The following GABRB1 variants were observed in gnomAD, a reference collection of about 807,000 sequenced individuals.
The protein encoded by GABRB1 is gamma-aminobutyric acid receptor subunit beta-1.
Under a neutral mutation model 51.6 loss-of-function variants are expected in GABRB1, and 17 were observed. That is an observed-to-expected ratio of 0.33 (90% CI 0.23 to 0.49). The LOEUF (loss-of-function observed/expected upper bound fraction) is 0.49, where lower values mean the gene tolerates loss of function less well. Ranked by LOEUF, GABRB1 falls within the 20% of genes least tolerant of loss-of-function variation. The pLI, the probability that GABRB1 is intolerant of heterozygous loss-of-function variation, is 0.99. For synonymous variants in GABRB1, 247 were observed against 218.9 expected (o/e 1.13, Z -1.14); for missense variants, 410 against 600.6 (o/e 0.68, Z 3.32).
chr4:47,262,526 T>C (rs1722481116), intron 4 of GABRB1, among the ~76,000 whole-genome samples: 2 of 152,050 alleles, frequency 1.3e-5, no homozygotes, highest in Admixed American at 1.3e-4. Flanking sequence ...ATGGCGATCA[T>C]TAAAAAGTCA....
intron 4 of GABRB1, among the ~76,000 whole-genome samples, chr4:47,292,488 T>G (rs1010764800): frequency 2.6e-5 from 4 of 152,244 alleles, no homozygotes; most frequent in African/African-American, 9.6e-5. Context: ...GGCAAGCCCC[T>G]TGAGGGCTCT....
chr4:47,259,596 A>C (rs572939183), intron 4 of GABRB1, among the ~76,000 whole-genome samples: 1 of 152,280 alleles, frequency 6.6e-6, no homozygotes, highest in South Asian at 2.1e-4. Flanking sequence ...TATTAACAAC[A>C]ATTTGTAATG....
intron 1 of GABRB1, among the ~76,000 whole-genome samples, chr4:47,020,135 TCTC>T (rs1724888176): frequency 6.6e-6 from 1 of 151,932 alleles, no homozygotes; most frequent in South Asian, 2.1e-4. Context: ...ATGACTGCCT[TCTC>T]CTTTTGTCCT....
chr4:47,077,978 T>G (rs1247688150), intron 3 of GABRB1, among the ~76,000 whole-genome samples: 1 of 38,410 alleles, frequency 2.6e-5, no homozygotes, highest in East Asian at 8.3e-4. Context: ...ATTTTATATA[T>G]AATATATAAT....
At chr4:47,400,261 G>A (rs1296201343) in intron 5 of GABRB1, among the ~76,000 whole-genome samples, 1 of 152,122 alleles carries the variant, frequency 6.6e-6, no homozygotes, top group Non-Finnish European at 1.5e-5. Context: ...ATATCTGTAA[G>A]TGTTCCTATA....
chr4:47,425,768 C>G lies in GABRB1; in HGVS notation c.1175C>G (p.Ala392Gly), dbSNP rs1251756887. Residue 392 changes from alanine to glycine, a missense_variant, in exon 9 of 9, where the codon GCC becomes GGC. Around this residue, in one of 5 missense-constraint regions of GABRB1, gnomAD observed 181 missense variants for 195.6 expected, o/e 0.93. Coordinates refer to ENST00000295454, the MANE Select transcript of GABRB1 (RefSeq NM_000812.4). ...CTCACGAGCGTGAGCGACCCCAAGG[C>G]CACCATGTACTCCTATGACAGCGCC... ...EVLTSVSDPK[A>G]TMYSYDSASI... The G allele has an allele frequency of 6.2e-7, 1 of 1,614,102 alleles. No homozygotes were observed. The highest frequency in any genetic ancestry group is 1.1e-5 in the South Asian group (1 of 91,090).
Position 47,225,731 on chromosome 4 carries a change from C to T in GABRB1, c.461+64262C>T, listed in dbSNP as rs988609413. Among the ~76,000 whole-genome samples the T allele has an allele frequency of 3.9e-5, 6 of 152,248 alleles. 1 individual carries two copies. The South Asian group carries it at 1.0e-3, about 26-fold the overall frequency. On this transcript the variant is annotated intron_variant, in intron 4 of 8. Transcript: ENST00000295454. The stretch of plus-strand genomic sequence containing the variant: ...ATAGAATATAACTCCATTTATATGG[C>T]TATCATTGCCTTTTTAAATTCTGAT...
intron 4 of GABRB1, among the ~76,000 whole-genome samples, chr4:47,191,931 A>G (rs1189977892): frequency 1.3e-5 from 2 of 152,294 alleles, no homozygotes; most frequent in East Asian, 1.9e-4. Context: ...CTGCAGACAC[A>G]TAGAATACTG....
chr4:47,052,278 A>G (rs1726384935), intron 3 of GABRB1, among the ~76,000 whole-genome samples: 1 of 152,218 alleles, frequency 6.6e-6, no homozygotes, highest in Non-Finnish European at 1.5e-5. Flanking sequence ...AAGGAACATG[A>G]GAAAGATGTG....
intron 4 of GABRB1, among the ~76,000 whole-genome samples, chr4:47,258,836 A>T (rs970316987): frequency 6.6e-6 from 1 of 152,212 alleles, no homozygotes; most frequent in African/African-American, 2.4e-5. Flanking sequence ...ATGCAATAGC[A>T]TAGTGTAAAA....
intron 1 of GABRB1, among the ~76,000 whole-genome samples, chr4:47,019,909 T>TATGTATATGTATATGTAC (rs1440569072): frequency 6.1e-5 from 9 of 148,370 alleles, no homozygotes; most frequent in African/African-American, 2.2e-4. Flanking sequence ...TGTATATGTA[T>TATGTATATGTATATGTAC]ATGTATATGT....
intron 3 of GABRB1, among the ~76,000 whole-genome samples, chr4:47,135,748 C>A (rs1443442230): frequency 1.3e-5 from 2 of 151,996 alleles, no homozygotes; most frequent in Non-Finnish European, 2.9e-5. Flanking sequence ...ATAAAGTGTT[C>A]ATCTGTTCAA....
Position 47,426,358 on chromosome 4 carries a change from G to A in GABRB1, c.*340G>A, listed in dbSNP as rs935638604. ...TGGATTTCACTGATTTATTTTTTAG[G>A]GAAAATGAAAAGAGGACCTTGCTGT... On this transcript the variant is annotated 3_prime_UTR_variant, in exon 9 of 9. Transcript: ENST00000295454. 1 of 168,984 alleles carries A rather than the reference G, an allele frequency of 5.9e-6. No individual in the cohort carries two copies. Among genetic ancestry groups the A allele is most frequent in the African/African-American group, 2.4e-5 (1 of 40,974 alleles). 10.5% of individuals were successfully genotyped at this position (168,984 alleles called of 1,614,324 possible). A position where few individuals can be genotyped will look rare whatever the true frequency, so the allele number is the denominator to read the frequency against.
chr4:47,410,289 C>T (rs574822110), intron 8 of GABRB1, among the ~76,000 whole-genome samples: 123 of 152,258 alleles, frequency 8.1e-4, no homozygotes, highest in Non-Finnish European at 1.4e-3. Flanking sequence ...GGGCAGAGTA[C>T]TTTGTATCAG....
chr4:47,052,537 G>T (rs539319805), intron 3 of GABRB1, among the ~76,000 whole-genome samples: 1 of 152,208 alleles, frequency 6.6e-6, no homozygotes, highest in Non-Finnish European at 1.5e-5. Flanking sequence ...AAACTCCGAA[G>T]TACGGAGCTA....
chr4:47,230,816 G>A (rs1265761369), intron 4 of GABRB1, among the ~76,000 whole-genome samples: 4 of 152,212 alleles, frequency 2.6e-5, no homozygotes, highest in Non-Finnish European at 5.9e-5. Flanking sequence ...GGGTTATGAG[G>A]ATTTGATAAG....
At chr4:47,361,920 G>T (rs1411096401) in intron 5 of GABRB1, among the ~76,000 whole-genome samples, 1 of 152,088 alleles carries the variant, frequency 6.6e-6, no homozygotes, top group African/African-American at 2.4e-5. Flanking sequence ...AGAAATCTAG[G>T]CTGGACATGT....
At chr4:47,377,408 C>T (rs1328920788) in intron 5 of GABRB1, among the ~76,000 whole-genome samples, 3 of 149,008 alleles carry the variant, frequency 2.0e-5, no homozygotes, top group Non-Finnish European at 4.4e-5. Flanking sequence ...CGGAAGTGTT[C>T]GAAGTTTCTT....
chr4:47,069,333 C>T (rs1482967830), intron 3 of GABRB1, among the ~76,000 whole-genome samples: 1 of 152,156 alleles, frequency 6.6e-6, no homozygotes, highest in Non-Finnish European at 1.5e-5. Flanking sequence ...ATTCCTCCCC[C>T]TTCAAAAATG....
Sources: allele counts gnomAD v4.1 joint callset (sites outside exome capture counted in the v4.1 genomes callset), GRCh38; gene constraint gnomAD v4.1.1; regional missense constraint gnomAD v4.1.1; transcripts MANE v1.5; gene names NCBI Gene and HGNC (gene_info 2026-07-23, HGNC 2026-07-21).